Variants in PRUNE2 observed in about 807,000 individuals in gnomAD.
PRUNE2 encodes the protein prune homolog 2 with BCH domain.
In PRUNE2, 164 loss-of-function variants were observed where a neutral mutation model predicts 252.0. The observed-to-expected ratio is 0.65, with a 90% confidence interval of 0.57 to 0.74. The LOEUF is 0.74. PRUNE2 is among the 30% of genes least tolerant of loss of function. The pLI, the probability that PRUNE2 is intolerant of heterozygous loss-of-function variation, is 0.00. For synonymous variants in PRUNE2, 1,292 were observed against 1,350.2 expected (o/e 0.96, Z 0.94); for missense variants, 3,495 against 3,711.0 (o/e 0.94, Z 1.51).
chr9:76,680,763 G>A (rs768099531), intron 9 of PRUNE2, among the ~76,000 whole-genome samples: 1 of 152,154 alleles, frequency 6.6e-6, no homozygotes, highest in Non-Finnish European at 1.5e-5. Context: ...CTGCATGGCT[G>A]GGGAGGCCTC....
chr9:76,731,909 C>T (rs966849343), intron 6 of PRUNE2, among the ~76,000 whole-genome samples: 4 of 152,172 alleles, frequency 2.6e-5, no homozygotes, highest in African/African-American at 7.2e-5. Context: ...AGCAAACCTC[C>T]TTTGCTTATA....
At position 76,704,751 on chromosome 9, in the gene PRUNE2, T is replaced by A; in HGVS notation, c.7513+10A>T. 6.7e-7 allele frequency: 1 copy of A among 1,500,866 alleles called. No individual in the cohort carries two copies. Among genetic ancestry groups the A allele is most frequent in the Non-Finnish European group, 9.0e-7 (1 of 1,111,978 alleles). The allele number at this position is 1,500,866 out of a possible 1,614,324, so 93.0% of individuals were successfully genotyped here. On this transcript the variant is annotated intron_variant, in intron 8 of 18. Coordinates refer to ENST00000376718, the MANE Select transcript of PRUNE2 (RefSeq NM_015225.3). The stretch of plus-strand genomic sequence containing the variant: ...GTTTCTTGGAAGTGGAAGAATGGAA[T>A]GTTTCTTACCATTTGGTGGTCCTAT...
chr9:76,700,573 T>C (rs1057159574), intron 9 of PRUNE2, among the ~76,000 whole-genome samples: 2 of 152,120 alleles, frequency 1.3e-5, no homozygotes, highest in African/African-American at 4.8e-5. Context: ...CCTTGAGGAG[T>C]GCCTTCATAA....
chr9:76,803,867 G>C (rs1374986199), intron 6 of PRUNE2, among the ~76,000 whole-genome samples: 1 of 152,138 alleles, frequency 6.6e-6, no homozygotes, highest in Non-Finnish European at 1.5e-5. Flanking sequence ...CTGACACTTT[G>C]TCTCATGGGT....
intron 1 of PRUNE2, among the ~76,000 whole-genome samples, chr9:76,897,003 T>G (rs2062860358): frequency 6.6e-6 from 1 of 152,234 alleles, no homozygotes; most frequent in Non-Finnish European, 1.5e-5. Context: ...TTCTTTCAAA[T>G]GGGCATGCAG....
In PRUNE2 at chr9:76,644,818, C is replaced by T; in HGVS notation, c.8649G>A (p.Arg2883=). ...GCTCTTGTTCTCCAATGACCACTGTCCTCCAAAGCCGGTTGTCCTCCCGTT... is the reference window on the plus strand; with the variant it reads ...GCTCTTGTTCTCCAATGACCACTGTTCTCCAAAGCCGGTTGTCCTCCCGTT... ...EEEREDNRLW[R]TVVIGEQEQR... The change falls in exon 12 of 19, where the codon AGG becomes AGA. Residue 2883 remains arginine (R), a synonymous_variant. Transcript: ENST00000376718. The T allele has an allele frequency of 6.2e-7, 1 of 1,613,942 alleles. No individual in the cohort carries two copies. Among genetic ancestry groups the T allele is most frequent in the Non-Finnish European group, 8.5e-7 (1 of 1,179,862 alleles).
At chr9:76,884,104 A>G (rs955567665) in intron 1 of PRUNE2, among the ~76,000 whole-genome samples, 11 of 152,000 alleles carry the variant, frequency 7.2e-5, no homozygotes, top group African/African-American at 2.4e-4. Flanking sequence ...CCATTTGCCT[A>G]TTCTGGTTGG....
chr9:76,755,908 G>A (rs2051106113), intron 6 of PRUNE2, among the ~76,000 whole-genome samples: 2 of 152,136 alleles, frequency 1.3e-5, no homozygotes. Flanking sequence ...TTGCCATGTT[G>A]TCCAGGCTGA....
At chr9:76,841,028 A>G (rs2059360859) in intron 4 of PRUNE2, among the ~76,000 whole-genome samples, 1 of 152,048 alleles carries the variant, frequency 6.6e-6, no homozygotes, top group Non-Finnish European at 1.5e-5. Context: ...AGATGATCAA[A>G]TAGGAACAGC....
chr9:76,855,766 G>A (rs1823350432), intron 1 of PRUNE2, among the ~76,000 whole-genome samples: 1 of 152,090 alleles, frequency 6.6e-6, no homozygotes, highest in South Asian at 2.1e-4. Context: ...TAAACTCTCT[G>A]AAGATAATTA....
chr9:76,702,742 T>C (rs925624321), intron 9 of PRUNE2, among the ~76,000 whole-genome samples: 1 of 152,210 alleles, frequency 6.6e-6, no homozygotes, highest in Non-Finnish European at 1.5e-5. Flanking sequence ...ATAAGTTAGG[T>C]GCTTACATAA....
intron 6 of PRUNE2, among the ~76,000 whole-genome samples, chr9:76,747,871 C>T (rs1011801392): frequency 3.3e-5 from 5 of 151,818 alleles, no homozygotes; most frequent in Admixed American, 1.3e-4. Context: ...TCTTGGCTCA[C>T]TGCAACCTCC....
intron 15 of PRUNE2, among the ~76,000 whole-genome samples, chr9:76,635,317 C>G (rs1952460): frequency 0.06 from 9,171 of 152,156 alleles, 665 homozygotes; most frequent in African/African-American, 0.17. Flanking sequence ...TGGTAAACAG[C>G]TAATCTTTGC....
chr9:76,636,700 G>T (rs1564399082), intron 14 of PRUNE2, 143 bp from the exon 15 acceptor site: 4 of 532,294 alleles, frequency 7.5e-6, no homozygotes, highest in Non-Finnish European at 1.3e-5. Flanking sequence ...CACTTTGGGA[G>T]GCCAAGGCAG....
chr9:76,776,391 T>C (rs371179273), intron 6 of PRUNE2, among the ~76,000 whole-genome samples: 2 of 152,202 alleles, frequency 1.3e-5, no homozygotes, highest in Non-Finnish European at 1.5e-5. Context: ...ATGTGGTATC[T>C]GATTTTCCAT....
In PRUNE2 at chr9:76,768,124, A is replaced by G. The variant is rs540134711; in HGVS notation, c.757-54403T>C. On this transcript the variant is annotated intron_variant, in intron 6 of 18. Transcript: ENST00000376718. ...ACGGCTGCCTGGTGAGGAGGATCACATAAGTCTAATTCCCCTCCCCAGAAA... is the reference window on the plus strand; with the variant it reads ...ACGGCTGCCTGGTGAGGAGGATCACGTAAGTCTAATTCCCCTCCCCAGAAA... Among the ~76,000 whole-genome samples, 5 of 152,062 alleles carry G rather than the reference A, an allele frequency of 3.3e-5. No homozygotes were observed. The East Asian group carries it at 9.7e-4, about 29-fold the overall frequency.
At chr9:76,875,408 C>G (rs1370052752) in intron 1 of PRUNE2, among the ~76,000 whole-genome samples, 1 of 152,146 alleles carries the variant, frequency 6.6e-6, no homozygotes, top group Admixed American at 6.5e-5. Context: ...CTCTGTCGCC[C>G]AGGCTGGAGT....
intron 6 of PRUNE2, among the ~76,000 whole-genome samples, chr9:76,778,072 T>C (rs375097402): frequency 3.3e-4 from 50 of 152,308 alleles, no homozygotes; most frequent in Admixed American, 1.1e-3. Flanking sequence ...GGCTGCACAT[T>C]AGATTTATTC....
chr9:76,750,437 G>T (rs1009789695), intron 6 of PRUNE2, among the ~76,000 whole-genome samples: 1 of 152,048 alleles, frequency 6.6e-6, no homozygotes, highest in Non-Finnish European at 1.5e-5. Context: ...TGCTTGGTGT[G>T]GGAAAAAAAC....
Sources: allele counts gnomAD v4.1 joint callset (sites outside exome capture counted in the v4.1 genomes callset), GRCh38; gene constraint gnomAD v4.1.1; transcripts MANE v1.5; gene names NCBI Gene and HGNC (gene_info 2026-07-23, HGNC 2026-07-21).